SUGCT: variants seen among roughly 807,000 people sequenced by gnomAD.
The protein encoded by SUGCT is succinyl-CoA:glutarate-CoA transferase.
A neutral mutation model predicts 55.0 loss-of-function variants in SUGCT; 41 were observed. The observed-to-expected ratio is 0.74, with a 90% CI of 0.58 to 0.97. SUGCT has a LOEUF of 0.97. Ranked by LOEUF, SUGCT falls within the 50% of genes least tolerant of loss-of-function variation. The pLI is 0.00. For missense variants in SUGCT, 568 were observed against 547.8 expected, an observed-to-expected ratio of 1.04 and a Z score of -0.37; for synonymous variants, 187 against 200.4, an observed-to-expected ratio of 0.93 and a Z score of 0.56.
chr7:40,192,630 C>CTTTTTTT (rs748789860), intron 5 of SUGCT, among the ~76,000 whole-genome samples: 2 of 134,814 alleles, frequency 1.5e-5, no homozygotes, highest in Non-Finnish European at 3.2e-5. Context: ...TTCTTTCTTT[C>CTTTTTTT]TTTTTTTTTT....
the SUGCT span, among the ~76,000 whole-genome samples, chr7:41,031,210 T>C: frequency 6.6e-6 from 1 of 152,152 alleles, no homozygotes; most frequent in African/African-American, 2.4e-5. Flanking sequence ...GAATTCTCTG[T>C]CTTCTATGCT....
chr7:40,442,878 C>A (rs892835122), intron 9 of SUGCT, among the ~76,000 whole-genome samples: 2 of 152,116 alleles, frequency 1.3e-5, no homozygotes, highest in African/African-American at 2.4e-5. Context: ...CCCCTTCCCC[C>A]CACACCATGA....
chr7:40,156,379 C>T (rs921082397), intron 1 of SUGCT, among the ~76,000 whole-genome samples: 6 of 152,062 alleles, frequency 3.9e-5, no homozygotes, highest in Non-Finnish European at 8.8e-5. Flanking sequence ...AGGAGAATGG[C>T]GTGAACCCGG....
At chr7:40,898,171 G>A in the SUGCT span, among the ~76,000 whole-genome samples, 3 of 152,228 alleles carry the variant, frequency 2.0e-5, no homozygotes, top group Admixed American at 1.3e-4. Flanking sequence ...AACTTAAGTC[G>A]GGAGGACTGA....
At chr7:40,449,993 A>G (rs1402721935) in intron 10 of SUGCT, among the ~76,000 whole-genome samples, 1 of 152,182 alleles carries the variant, frequency 6.6e-6, no homozygotes, top group Non-Finnish European at 1.5e-5. Context: ...AAACTTCGCC[A>G]TCTTGGATCA....
intron 12 of SUGCT, among the ~76,000 whole-genome samples, chr7:40,633,175 C>T (rs997435559): frequency 7.2e-5 from 11 of 152,168 alleles, no homozygotes; most frequent in African/African-American, 2.4e-4. Flanking sequence ...ATATCTTACT[C>T]ATTCTTTTTA....
At chr7:40,174,999 G>A (rs1228416953) in intron 1 of SUGCT, among the ~76,000 whole-genome samples, 1 of 151,990 alleles carries the variant, frequency 6.6e-6, no homozygotes. Flanking sequence ...TATTTTAAGT[G>A]GAATTGCTAT....
intron 7 of SUGCT, among the ~76,000 whole-genome samples, chr7:40,261,697 T>A (rs1791233468): frequency 6.6e-6 from 1 of 152,222 alleles, no homozygotes; most frequent in Non-Finnish European, 1.5e-5. Context: ...CAAATGTCTC[T>A]TTAAAAGTTT....
chr7:40,309,000 C>G (rs1414217096), intron 8 of SUGCT, among the ~76,000 whole-genome samples: 1 of 152,174 alleles, frequency 6.6e-6, no homozygotes, highest in Non-Finnish European at 1.5e-5. Context: ...GAGTTAGACT[C>G]TGTCTCAAAC....
chr7:40,508,289 T>C (rs1304285935), intron 12 of SUGCT, among the ~76,000 whole-genome samples: 1 of 152,194 alleles, frequency 6.6e-6, no homozygotes, highest in African/African-American at 2.4e-5. Context: ...CCCCGGTGCC[T>C]TGGCCTGCCG....
intron 12 of SUGCT, among the ~76,000 whole-genome samples, chr7:40,536,362 G>C (rs771959443): frequency 1.3e-5 from 2 of 151,416 alleles, no homozygotes; most frequent in Non-Finnish European, 3.0e-5. Context: ...CAGGGAGAAG[G>C]GGGCAGGGAT....
intron 7 of SUGCT, among the ~76,000 whole-genome samples, chr7:40,256,592 G>A (rs1051853645): frequency 6.6e-6 from 1 of 152,046 alleles, no homozygotes; most frequent in African/African-American, 2.4e-5. Context: ...TTCCTTTTTT[G>A]GGGAGAGAAA....
At chr7:40,356,188 T>G (rs1490764006) in intron 9 of SUGCT, among the ~76,000 whole-genome samples, 1 of 152,248 alleles carries the variant, frequency 6.6e-6, no homozygotes, top group African/African-American at 2.4e-5. Context: ...AGGAAGTATA[T>G]AAAACAGCTT....
intron 11 of SUGCT, among the ~76,000 whole-genome samples, chr7:40,474,286 T>G (rs533051188): frequency 6.0e-4 from 91 of 152,052 alleles, no homozygotes; most frequent in Non-Finnish European, 1.0e-3. Flanking sequence ...AGGGAGAGGA[T>G]TCCAAGAAAT....
the SUGCT span, among the ~76,000 whole-genome samples, chr7:40,984,389 A>G: frequency 3.3e-5 from 5 of 151,918 alleles, no homozygotes; most frequent in Non-Finnish European, 7.4e-5. Flanking sequence ...GATATTTTTT[A>G]TAGGCAAAAA....
intron 6 of SUGCT, among the ~76,000 whole-genome samples, chr7:40,228,387 T>TA (rs1163887002): frequency 6.6e-6 from 1 of 152,180 alleles, no homozygotes. Flanking sequence ...GAAATTTGTT[T>TA]AAAAAACCAG....
chr7:41,027,717 T>C, the SUGCT span, among the ~76,000 whole-genome samples: 2 of 152,110 alleles, frequency 1.3e-5, no homozygotes, highest in East Asian at 3.9e-4. Context: ...AGTCTCACAC[T>C]CCCATTAGGA....
intron 12 of SUGCT, among the ~76,000 whole-genome samples, chr7:40,501,875 T>C (rs1044320911): frequency 2.0e-5 from 3 of 151,932 alleles, no homozygotes; most frequent in Non-Finnish European, 4.4e-5. Flanking sequence ...AAACTTGGGG[T>C]TTTCTTGTTT....
At chr7:40,428,664 C>T (rs559149292) in intron 9 of SUGCT, among the ~76,000 whole-genome samples, 2 of 152,054 alleles carry the variant, frequency 1.3e-5, no homozygotes, top group Non-Finnish European at 2.9e-5. Context: ...TGATGTCACA[C>T]CTTACAGCTA....
Sources: allele counts gnomAD v4.1 joint callset (sites outside exome capture counted in the v4.1 genomes callset), GRCh38; gene constraint gnomAD v4.1.1; transcripts MANE v1.5; gene names NCBI Gene and HGNC (gene_info 2026-07-23, HGNC 2026-07-21).